GRIN2A: variants seen among roughly 807,000 people sequenced by gnomAD.
The protein encoded by GRIN2A is glutamate receptor ionotropic, NMDA 2A.
In GRIN2A, 22 loss-of-function variants were observed where a neutral mutation model predicts 113.4. The ratio of observed to expected loss-of-function variants is 0.19; its 90% CI spans 0.14 to 0.28. The LOEUF (loss-of-function observed/expected upper bound fraction) is 0.28, where lower values mean the gene tolerates loss of function less well. Among genes scored for constraint, GRIN2A ranks in the 10% least tolerant of loss-of-function variants. The pLI is 1.00. For synonymous variants in GRIN2A, 827 were observed against 738.4 expected, an observed-to-expected ratio of 1.12 and a Z score of -1.94; for missense variants, 1,502 against 1,887.0, an observed-to-expected ratio of 0.80 and a Z score of 3.78.
intron 3 of GRIN2A, among the ~76,000 whole-genome samples, chr16:9,931,305 T>A (rs1460997971): frequency 6.6e-6 from 1 of 152,156 alleles, no homozygotes; most frequent in Non-Finnish European, 1.5e-5. Flanking sequence ...TATAAAGTTA[T>A]AATAATGATG....
chr16:9,897,221 A>ATATATGTACATATTTTATATATAT (rs60188583), intron 3 of GRIN2A, among the ~76,000 whole-genome samples: 178 of 149,258 alleles, frequency 1.2e-3, no homozygotes, highest in Middle Eastern at 3.5e-3. Flanking sequence ...TTATATATAT[A>ATATATGTACATATTTTATATATAT]AAAAAATACA....
At chr16:9,797,618 C>T (rs2141228257) in intron 11 of GRIN2A, among the ~76,000 whole-genome samples, 2 of 152,288 alleles carry the variant, frequency 1.3e-5, no homozygotes, top group Middle Eastern at 3.4e-3. Flanking sequence ...TGAGTCATGC[C>T]TGATAAGTCT....
Position 10,100,134 on chromosome 16 carries a change from G to A in GRIN2A, c.414+79864C>T, listed in dbSNP as rs1361705768. On this transcript the variant is annotated intron_variant, in intron 2 of 12. Transcript: ENST00000330684. ...AAGAAGGCCAATATTACTTTTGCAA[G>A]GAGCAGGTGAGACGTGGGGCTCCAG... is the stretch of plus-strand genomic sequence containing the variant. Among the ~76,000 whole-genome samples the A allele has an allele frequency of 2.0e-5, 3 of 152,188 alleles. No individual in the cohort carries two copies. In the South Asian group the frequency reaches 6.2e-4, roughly 32 times the overall value.
At chr16:10,049,890 G>A (rs2047328362) in intron 2 of GRIN2A, among the ~76,000 whole-genome samples, 1 of 152,152 alleles carries the variant, frequency 6.6e-6, no homozygotes, top group Admixed American at 6.5e-5. Context: ...CTGAAAGGAT[G>A]AATAAATGAA....
intron 4 of GRIN2A, among the ~76,000 whole-genome samples, chr16:9,859,870 T>C (rs1448242302): frequency 2.0e-5 from 3 of 152,116 alleles, no homozygotes; most frequent in African/African-American, 7.2e-5. Flanking sequence ...TTTCTTTGCC[T>C]TTAGAACACA....
At chr16:10,150,398 G>A (rs1326787680) in intron 2 of GRIN2A, among the ~76,000 whole-genome samples, 1 of 152,168 alleles carries the variant, frequency 6.6e-6, no homozygotes, top group Non-Finnish European at 1.5e-5. Context: ...AAGGGTTAGA[G>A]TAGAAGGAAC....
intron 7 of GRIN2A, among the ~76,000 whole-genome samples, chr16:9,838,851 T>C (rs2042625399): frequency 6.6e-6 from 1 of 152,162 alleles, no homozygotes; most frequent in African/African-American, 2.4e-5. Flanking sequence ...AAATGAAAGC[T>C]AACCTATGGG....
rs1596380826 is a variant in GRIN2A, at chr16:9,767,562, C to T, written c.2595+1289G>A. On this transcript the variant is annotated intron_variant, in intron 12 of 12. Transcript: ENST00000330684. Reference sequence around the variant, plus strand: ...CAAATCCTAATTAATGAAGTTCTTCCAAGGCAAAAAAACAAACAAAAACAA... The same window carrying T: ...CAAATCCTAATTAATGAAGTTCTTCTAAGGCAAAAAAACAAACAAAAACAA... 2.0e-5 allele frequency among the ~76,000 whole-genome samples: 3 copies of T among 147,296 alleles called. No individual in the cohort carries two copies. The South Asian group carries it at 6.4e-4, about 31-fold the overall frequency.
In GRIN2A at chr16:9,770,429, C is replaced by T. The variant is rs142577669; in HGVS notation, c.2357-1340G>A. Among the ~76,000 whole-genome samples the T allele has an allele frequency of 1.5e-3, 224 of 152,142 alleles. 4 individuals carry two copies. In the South Asian group the frequency reaches 0.025, roughly 17 times the overall value. ...TAGCATGTATTGTTTTTGGTTTGTT[C>T]TCACTCTTGAATGATATGGCTGAAT... is the stretch of plus-strand genomic sequence containing the variant. On this transcript the variant is annotated intron_variant, in intron 11 of 12. Coordinates refer to ENST00000330684, the MANE Select transcript of GRIN2A (RefSeq NM_001134407.3).
At chr16:9,992,117 G>C (rs910778271) in intron 2 of GRIN2A, among the ~76,000 whole-genome samples, 1 of 152,042 alleles carries the variant, frequency 6.6e-6, no homozygotes, top group African/African-American at 2.4e-5. Flanking sequence ...ATGTTGCTTC[G>C]AAAGACATGA....
At chr16:9,941,312 T>C (rs1406118227) in intron 2 of GRIN2A, among the ~76,000 whole-genome samples, 2 of 152,156 alleles carry the variant, frequency 1.3e-5, no homozygotes, top group African/African-American at 4.8e-5. Flanking sequence ...AGGGTACCCA[T>C]GAAAAGGTCT....
At chr16:10,120,606 G>A (rs1032581732) in intron 2 of GRIN2A, among the ~76,000 whole-genome samples, 3 of 151,850 alleles carry the variant, frequency 2.0e-5, no homozygotes, top group Admixed American at 6.6e-5. Context: ...CAAGGGGGGT[G>A]GATGCAGGGG....
At chr16:9,896,048 A>G (rs1307530347) in intron 3 of GRIN2A, among the ~76,000 whole-genome samples, 4 of 139,850 alleles carry the variant, frequency 2.9e-5, no homozygotes, top group African/African-American at 6.0e-5. Context: ...TGAATGTCAC[A>G]GCAACTTTTT....
At chr16:9,813,346 T>G (rs957032323) in intron 10 of GRIN2A, among the ~76,000 whole-genome samples, 2 of 152,094 alleles carry the variant, frequency 1.3e-5, no homozygotes, top group African/African-American at 4.8e-5. Flanking sequence ...AAGAATGAAA[T>G]GCAGGAAAAA....
intron 2 of GRIN2A, among the ~76,000 whole-genome samples, chr16:10,038,674 T>C (rs1392126838): frequency 3.5e-5 from 4 of 113,110 alleles, no homozygotes; most frequent in East Asian, 1.6e-3. Context: ...AAACCCTGTC[T>C]CTACTATAAA....
intron 11 of GRIN2A, among the ~76,000 whole-genome samples, chr16:9,796,541 C>T (rs1410154461): frequency 2.6e-5 from 4 of 152,226 alleles, no homozygotes; most frequent in South Asian, 4.1e-4. Flanking sequence ...GGCCACCTGA[C>T]CTGCTTTGGA....
chr16:10,035,049 AG>A (rs930446015), intron 2 of GRIN2A, among the ~76,000 whole-genome samples: 1 of 150,736 alleles, frequency 6.6e-6, no homozygotes, highest in African/African-American at 2.4e-5. Context: ...GTTTAGAGAC[AG>A]GGTCTCGTTC....
At chr16:9,768,377 A>G (rs546648877) in intron 12 of GRIN2A, among the ~76,000 whole-genome samples, 2 of 152,202 alleles carry the variant, frequency 1.3e-5, no homozygotes, top group Non-Finnish European at 2.9e-5. Context: ...GGAATTAGTT[A>G]CTAATATTTA....
chr16:10,036,912 T>C, intron 2 of GRIN2A: 1 of 152,152 alleles, frequency 6.6e-6, no homozygotes. Context: ...AGACCCTCTC[T>C]CCAAATAAGG....
Sources: allele counts gnomAD v4.1 joint callset (sites outside exome capture counted in the v4.1 genomes callset), GRCh38; gene constraint gnomAD v4.1.1; transcripts MANE v1.5; gene names NCBI Gene and HGNC (gene_info 2026-07-23, HGNC 2026-07-21).